RHBG: variants seen among roughly 807,000 people sequenced by gnomAD.
The protein encoded by RHBG is Rh family B glycoprotein.
A neutral mutation model predicts 40.1 loss-of-function variants in RHBG; 39 were observed. That is an observed-to-expected ratio of 0.97 (90% CI 0.75 to 1.27). The LOEUF (loss-of-function observed/expected upper bound fraction) is 1.27. Among genes scored for constraint, RHBG ranks in the 50% most tolerant of loss-of-function variants. RHBG has a pLI of 0.00. For synonymous variants in RHBG, 237 were observed against 252.5 expected (o/e 0.94, Z 0.58); for missense variants, 549 against 588.1 (o/e 0.93, Z 0.69).
chr1:156,369,408 G>T lies in RHBG; in HGVS notation c.159G>T (p.Ala53=). ...ALWHRSNHSN[A]DNEFYFRYPS... is the part of the protein sequence containing the mutation. ...GGCACCGGAGCAACCACAGTAACGC[G>T]GACAATGAATTTTACTTTCGCTACC... The change falls in exon 1 of 10, where the codon GCG becomes GCT. Residue 53 remains alanine (A), a synonymous_variant. Transcript: ENST00000537040. The T allele has an allele frequency of 6.2e-7, 1 of 1,613,408 alleles. No homozygotes were observed. Among genetic ancestry groups the T allele is most frequent in the East Asian group, 2.2e-5 (1 of 44,822 alleles).
intron 7 of RHBG, 92 bp from the exon 8 acceptor site, chr1:156,382,656 G>C (rs954916): frequency 2.7e-6 from 4 of 1,491,736 alleles, no homozygotes; most frequent in East Asian, 4.5e-5. Flanking sequence ...CTGTTCCCCA[G>C]TGTGAGTTCC....
At chr1:156,382,313 T>C in intron 7 of RHBG, 112 bp downstream of exon 7, 1 of 1,538,372 alleles carries the variant, frequency 6.5e-7, no homozygotes, top group African/African-American at 1.4e-5. Context: ...CATTCATCCA[T>C]ATTCTGGGAG....
chr1:156,374,572 G>A (rs904548006), intron 1 of RHBG: 7 of 435,896 alleles, frequency 1.6e-5, no homozygotes, highest in African/African-American at 8.4e-5. Flanking sequence ...ATGTTGCCAC[G>A]AATGACAGGA....
chr1:156,381,942 C>G lies in RHBG; in HGVS notation c.977C>G (p.Thr326Arg), dbSNP rs200378283. 1 of 1,611,732 alleles carries G rather than the reference C, an allele frequency of 6.2e-7. No individual in the cohort carries two copies. The highest frequency in any genetic ancestry group is 8.5e-7 in the Non-Finnish European group (1 of 1,179,538). ...TVSTLGYKFF[T>R]PILESKFKVQ... ...TCCACGCTGGGGTACAAGTTCTTCA[C>G]GGTATAGATGCCTCTTGGAGCCTGG... The change falls in exon 6 of 10, where the codon ACG becomes AGG. Residue 326 changes from threonine to arginine, a missense_variant and splice_region_variant. Physicochemically the swap from Thr to Arg is moderately conservative, Grantham distance 71. Around this residue, in one of 3 missense-constraint regions of RHBG, gnomAD observed 399 missense variants for 417.0 expected, o/e 0.96. Transcript: ENST00000537040.
chr1:156,376,194 C>T (rs1422528783), intron 1 of RHBG, among the ~76,000 whole-genome samples: 2 of 152,112 alleles, frequency 1.3e-5, no homozygotes, highest in East Asian at 1.9e-4. Context: ...AATATTCAAA[C>T]TATAGAAAGA....
In RHBG at chr1:156,377,292, C is replaced by T; in HGVS notation, c.188-9C>T. ...CCCCAAGTGCCCCGCCTGTCCCTGC[C>T]CGCTGCAGGCTTCCAGGACGTGCAT... On this transcript the variant is annotated splice_polypyrimidine_tract_variant and intron_variant, in intron 1 of 9. Transcript: ENST00000537040. This position sits in a 1 kb window ranked among gnomAD's most constrained non-coding sequence, Gnocchi z 4.6. 1.2e-6 allele frequency: 2 copies of T among 1,612,304 alleles called. No homozygotes were observed. The highest frequency in any genetic ancestry group is 1.7e-6 in the Non-Finnish European group (2 of 1,178,588).
intron 1 of RHBG, chr1:156,371,327 G>A: frequency 6.4e-6 from 2 of 313,184 alleles, no homozygotes; most frequent in South Asian, 2.4e-5. Flanking sequence ...ACCTAGATAA[G>A]TTTTGTATTT....
At chr1:156,382,536 G>C in intron 7 of RHBG, 1 of 701,162 alleles carries the variant, frequency 1.4e-6, no homozygotes, top group Non-Finnish European at 2.4e-6. Flanking sequence ...CTAGGTGTCT[G>C]CTGGCCTACA....
chr1:156,380,007 T>C (rs1667506538), intron 4 of RHBG, among the ~76,000 whole-genome samples: 1 of 152,176 alleles, frequency 6.6e-6, no homozygotes, highest in African/African-American at 2.4e-5. Context: ...CCACCCTCTC[T>C]AGGAGAGATT....
rs146050212 is a variant in RHBG at position 156,370,054 on chromosome 1, C to T, written c.187+618C>T. Among the ~76,000 whole-genome samples, 844 of 152,266 alleles carry T rather than the reference C, an allele frequency of 5.5e-3. 6 individuals are homozygous for T. The highest frequency in any genetic ancestry group is 0.011 in the African/African-American group (451 of 41,544). ...AGGCAACTGGCCAGTCGTGGTGGCTCACACCTGTAATCCCAGCATTTTGGG... is the reference window on the plus strand; with the variant it reads ...AGGCAACTGGCCAGTCGTGGTGGCTTACACCTGTAATCCCAGCATTTTGGG... On this transcript the variant is annotated intron_variant, in intron 1 of 9. Coordinates refer to ENST00000537040, the MANE Select transcript of RHBG (RefSeq NM_020407.5).
Position 156,369,244 on chromosome 1 carries a change from C to T in RHBG, c.-6C>T, listed in dbSNP as rs184591286. The T allele has an allele frequency of 4.7e-4, 758 of 1,611,696 alleles. 2 individuals carry two copies. The African/African-American group carries it at 9.1e-3, about 19-fold the overall frequency. ...GCGAGCGCCAGCCGAGATCGCAGCC[C>T]AACCCATGGCCGGGTCTCCTAGCCG... On this transcript the variant is annotated 5_prime_UTR_variant, in exon 1 of 10. Coordinates refer to ENST00000537040, the MANE Select transcript of RHBG (RefSeq NM_020407.5).
chr1:156,381,048 T>C (rs1667590885), intron 4 of RHBG, among the ~76,000 whole-genome samples: 1 of 152,092 alleles, frequency 6.6e-6, no homozygotes, highest in African/African-American at 2.4e-5. Flanking sequence ...TACAGGCATG[T>C]GCTACCATGC....
In RHBG at chr1:156,381,942, C is replaced by T. The variant is rs200378283; in HGVS notation, c.977C>T (p.Thr326Met). Residue 326 changes from threonine (T) to methionine (M), a missense_variant and splice_region_variant, in exon 6 of 10, where the codon ACG becomes ATG. Physicochemically the swap from Thr to Met is moderately conservative, Grantham distance 81 (BLOSUM62 -1). This residue lies in a region of RHBG where 399 missense variants were observed against 417.0 expected (regional missense o/e 0.96). Transcript: ENST00000537040. The part of the protein sequence containing the change: ...TVSTLGYKFF[T>M]PILESKFKVQ... The stretch of plus-strand genomic sequence containing the variant: ...TCCACGCTGGGGTACAAGTTCTTCA[C>T]GGTATAGATGCCTCTTGGAGCCTGG... 5.4e-5 allele frequency: 87 copies of T among 1,611,732 alleles called. No individual in the cohort carries two copies. The highest frequency in any genetic ancestry group is 1.7e-4 in the Middle Eastern group (1 of 6,050).
At chr1:156,374,689 C>A (rs1295405179) in intron 1 of RHBG, 3 of 373,238 alleles carry the variant, frequency 8.0e-6, no homozygotes, top group African/African-American at 4.4e-5. Flanking sequence ...CGGGTTCAAG[C>A]GATTCTCCTG....
rs757192278 is a variant in RHBG, at chr1:156,382,026, G to A, written c.979-42G>A. On this transcript the variant is annotated intron_variant, in intron 6 of 9. Coordinates refer to ENST00000537040, the MANE Select transcript of RHBG (RefSeq NM_020407.5). Reference sequence around the variant, plus strand: ...GCCTCTCCAACAGGATGAGGTGGTGGGGAGTGGGCACAGGAGACTCATGAT... The same window carrying A: ...GCCTCTCCAACAGGATGAGGTGGTGAGGAGTGGGCACAGGAGACTCATGAT... 81 of 1,609,714 alleles carry A rather than the reference G, an allele frequency of 5.0e-5. No homozygotes were observed. The Admixed American group carries it at 1.4e-3, about 27-fold the overall frequency.
chr1:156,377,434 C>T lies in RHBG; in HGVS notation c.321C>T (p.Val107=). 1.2e-6 allele frequency: 2 copies of T among 1,614,050 alleles called. No homozygotes were observed. Among genetic ancestry groups the T allele is most frequent in the Non-Finnish European group, 1.7e-6 (2 of 1,179,910 alleles). Residue 107 remains valine (V), a synonymous_variant, in exon 2 of 10, where the codon GTC becomes GTT. Coordinates refer to ENST00000537040, the MANE Select transcript of RHBG (RefSeq NM_020407.5). The surrounding 1 kb of genome is among the most constrained non-coding windows in gnomAD (Gnocchi z 4.6). The part of the protein sequence containing the change: ...AAFALQWSTL[V]QGFLHSFHGG... ...TTGCCCTGCAGTGGTCCACACTGGT[C>T]CAGGGCTTTCTCCACTCCTTCCACG... is the stretch of plus-strand genomic sequence containing the variant.
intron 4 of RHBG, among the ~76,000 whole-genome samples, chr1:156,380,991 C>T (rs1025344999): frequency 6.6e-6 from 1 of 152,048 alleles, no homozygotes; most frequent in Admixed American, 6.6e-5. Context: ...CCTCTGCCTC[C>T]CAGTCTCAAG....
chr1:156,376,780 CT>C (rs1288400407), intron 1 of RHBG, among the ~76,000 whole-genome samples: 1 of 152,174 alleles, frequency 6.6e-6, no homozygotes, highest in Non-Finnish European at 1.5e-5. Context: ...CTGCAGTGAG[CT>C]ATGATCATGC....
intron 4 of RHBG, among the ~76,000 whole-genome samples, chr1:156,379,734 G>A (rs1035551476): frequency 4.6e-5 from 7 of 152,094 alleles, no homozygotes; most frequent in Non-Finnish European, 7.4e-5. Context: ...CCAGATTGCC[G>A]GGCTGCTGGG....
Sources: gnomAD v4.1 joint callset for allele counts (sites outside exome capture counted in the v4.1 genomes callset) on GRCh38, gnomAD v4.1.1 for gene constraint, gnomAD v4.1.1 regional missense constraint, Gnocchi (gnomAD v3.1) non-coding constraint, MANE v1.5 for transcripts, NCBI Gene and HGNC (gene_info 2026-07-23, HGNC 2026-07-21) for gene names.